Variants in FAT4 observed in about 807,000 individuals in gnomAD.
FAT4 encodes protocadherin Fat 4.
FAT4 carries 84 observed loss-of-function variants against 303.9 expected under a neutral mutation model. The ratio of observed to expected loss-of-function variants is 0.28; its 90% confidence interval spans 0.23 to 0.33. FAT4 has a LOEUF of 0.33. Among genes scored for constraint, FAT4 ranks in the 10% least tolerant of loss-of-function variants. The probability of loss-of-function intolerance (pLI) is 1.00; values close to 1 mark genes in which losing one functional copy is unlikely to be tolerated. For synonymous variants in FAT4, 2,307 were observed against 2,298.8 expected (o/e 1.00, Z -0.10); for missense variants, 6,005 against 6,146.8 (o/e 0.98, Z 0.77).
intron 2 of FAT4, among the ~76,000 whole-genome samples, chr4:125,347,286 A>G (rs981215025): frequency 6.6e-6 from 1 of 151,130 alleles, no homozygotes; most frequent in South Asian, 2.1e-4. Flanking sequence ...ATATACAGAA[A>G]CATACACATG....
At chr4:125,455,916 A>G (rs1726262850) in intron 10 of FAT4, among the ~76,000 whole-genome samples, 1 of 152,214 alleles carries the variant, frequency 6.6e-6, no homozygotes, top group South Asian at 2.1e-4. Context: ...CAAACTGGCT[A>G]AGAATACAGG....
intron 2 of FAT4, among the ~76,000 whole-genome samples, chr4:125,384,140 G>T (rs370586777): frequency 6.6e-6 from 1 of 152,108 alleles, no homozygotes; most frequent in Admixed American, 6.6e-5. Context: ...GAACATTTGT[G>T]TACAAGTTTT....
intron 9 of FAT4, 47 bp from the exon 10 acceptor site, chr4:125,448,414 T>C: frequency 6.6e-7 from 1 of 1,517,704 alleles, no homozygotes; most frequent in South Asian, 1.3e-5. Context: ...ACCAAATATT[T>C]TATTTAAATT....
rs773018653 is a variant in FAT4, at chr4:125,416,450, G to A, written c.6846G>A (p.Val2282=). ...TCTTGGTATGTACTGTTCTACAGGT[G>A]GTGGCAAGAGATGATGATCGAGGAT... The part of the protein sequence containing the change: ...LGTLPRTILQ[V]VARDDDRGSN... Residue 2282 remains valine (V), a splice_region_variant and synonymous_variant, in exon 7 of 18, where the codon GTG becomes GTA. Transcript: ENST00000394329. 2.5e-6 allele frequency: 4 copies of A among 1,612,864 alleles called. No homozygotes were observed. In the Admixed American group the frequency reaches 6.7e-5, roughly 27 times the overall value.
At position 125,452,201 on chromosome 4, in the gene FAT4, C is replaced by G. The variant is rs1389488510; in HGVS notation, c.11191C>G (p.His3731Asp). 9 of 1,614,216 alleles carry G rather than the reference C, an allele frequency of 5.6e-6. No homozygotes were observed. Among genetic ancestry groups the G allele is most frequent in the Non-Finnish European group, 7.6e-6 (9 of 1,180,032 alleles). Residue 3731 changes from histidine (H) to aspartate (D), a missense_variant, in exon 10 of 18, where the codon CAC becomes GAC. His to Asp is a moderately conservative substitution (Grantham distance 81). Transcript: ENST00000394329. ...VPTVKDFLTN[H>D]YLHFLRIASS... The stretch of plus-strand genomic sequence containing the variant: ...AACAGTAAAGGACTTCTTGACCAAC[C>G]ACTATCTTCATTTTTTACGCATTGC...
At chr4:125,443,492 C>G (rs553708971) in intron 8 of FAT4, among the ~76,000 whole-genome samples, 1 of 151,372 alleles carries the variant, frequency 6.6e-6, no homozygotes, top group South Asian at 2.1e-4. Flanking sequence ...AATTCAAACT[C>G]TAGATCTGCT....
chr4:125,348,629 A>C (rs558728609), intron 2 of FAT4, among the ~76,000 whole-genome samples: 1 of 151,728 alleles, frequency 6.6e-6, no homozygotes, highest in African/African-American at 2.4e-5. Context: ...ACAAATTAAT[A>C]ATCCTGGAAA....
intron 7 of FAT4, among the ~76,000 whole-genome samples, chr4:125,425,002 G>T (rs149389220): frequency 6.6e-6 from 1 of 152,070 alleles, no homozygotes; most frequent in South Asian, 2.1e-4. Flanking sequence ...GACATATTAC[G>T]TTTGAAATAT....
At chr4:125,360,734 A>C (rs1318095195) in intron 2 of FAT4, among the ~76,000 whole-genome samples, 2 of 151,996 alleles carry the variant, frequency 1.3e-5, no homozygotes, top group African/African-American at 4.8e-5. Context: ...AAAACTTAAC[A>C]TGTCTTTAGG....
intron 4 of FAT4, among the ~76,000 whole-genome samples, chr4:125,407,995 A>G (rs1405390268): frequency 6.6e-6 from 1 of 152,198 alleles, no homozygotes; most frequent in East Asian, 1.9e-4. Context: ...CTTTATGGAA[A>G]TCCCATCACA....
At chr4:125,423,518 G>A (rs182092623) in intron 7 of FAT4, among the ~76,000 whole-genome samples, 36 of 152,288 alleles carry the variant, frequency 2.4e-4, no homozygotes, top group African/African-American at 6.7e-4. Context: ...GGGAACCTCC[G>A]CCTGAATTTC....
rs767378137 is a variant in FAT4, at chr4:125,490,973, A to G, written c.14157A>G (p.Pro4719=). 8.1e-6 allele frequency: 13 copies of G among 1,614,218 alleles called. No homozygotes were observed. The South Asian group carries it at 1.3e-4, about 16-fold the overall frequency. ...CTTCTACGTTCTATAGAAACAGCCC[A>G]GCAAGGGAATTGCATCTTCCTATAA... ...SKSSTFYRNS[P]ARELHLPIRD... The change falls in exon 18 of 18, where the codon CCA becomes CCG. Residue 4719 remains proline (P), a synonymous_variant. Transcript: ENST00000394329.
At position 125,462,960 on chromosome 4, in the gene FAT4, G is replaced by T. The variant is rs1476056387; in HGVS notation, c.11801-603G>T. ...AAAGTCTTTATAAACTGAAAAATAT[G>T]CTGTTTAGGTATTATCGCTTCAGAC... On this transcript the variant is annotated intron_variant, in intron 10 of 17. Transcript: ENST00000394329. Among the ~76,000 whole-genome samples the T allele has an allele frequency of 2.0e-5, 3 of 152,034 alleles. No individual in the cohort carries two copies. In the East Asian group the frequency reaches 5.8e-4, roughly 29 times the overall value.
rs147362549 is a variant in FAT4 at position 125,470,508 on chromosome 4, T to G, written c.12213+1689T>G. ...AACCACCTTCATCAATGACCTTAGC[T>G]AGATCTTCTGGATAACTTGCTGCAG... is the stretch of plus-strand genomic sequence containing the variant. On this transcript the variant is annotated intron_variant, in intron 12 of 17. Coordinates refer to ENST00000394329, the MANE Select transcript of FAT4 (RefSeq NM_001291303.3). Among the ~76,000 whole-genome samples the G allele has an allele frequency of 2.0e-3, 312 of 152,344 alleles. 3 individuals carry two copies. The highest frequency in any genetic ancestry group is 0.01 in the Middle Eastern group (3 of 294).
In FAT4 at chr4:125,389,149, T is replaced by G. The variant is rs74896707; in HGVS notation, c.5176-9635T>G. On this transcript the variant is annotated intron_variant, in intron 2 of 17. Coordinates refer to ENST00000394329, the MANE Select transcript of FAT4 (RefSeq NM_001291303.3). ...TCTAAAATGTGTATGCTTCTTTCATTCCTAATATTCCAGAATACTTAGATA... is the reference window on the plus strand; with the variant it reads ...TCTAAAATGTGTATGCTTCTTTCATGCCTAATATTCCAGAATACTTAGATA... Among the ~76,000 whole-genome samples the G allele has an allele frequency of 5.5e-3, 845 of 152,294 alleles. 37 individuals carry two copies. The East Asian group carries it at 0.081, about 15-fold the overall frequency.
intron 2 of FAT4, among the ~76,000 whole-genome samples, chr4:125,337,829 T>C (rs544354282): frequency 6.6e-6 from 1 of 151,830 alleles, no homozygotes; most frequent in South Asian, 2.1e-4. Context: ...ATGGGAAGAG[T>C]AAGGACTTTT....
Position 125,320,065 on chromosome 4 carries a change from A to G in FAT4, c.3654A>G (p.Thr1218=). 6.2e-7 allele frequency: 1 copy of G among 1,613,966 alleles called. No individual in the cohort carries two copies. The highest frequency in any genetic ancestry group is 8.5e-7 in the Non-Finnish European group (1 of 1,179,970). The change falls in exon 2 of 18, where the codon ACA becomes ACG. Residue 1218 remains threonine, a synonymous_variant. Coordinates refer to ENST00000394329, the MANE Select transcript of FAT4 (RefSeq NM_001291303.3). ...TTTTAAAAGACTTTTACCAAGCTAC[A>G]ATATCAGAATCAGCAGCCAATCTGA... ...PKFLKDFYQA[T]ISESAANLTQ...
intron 2 of FAT4, among the ~76,000 whole-genome samples, chr4:125,330,158 T>C (rs938849642): frequency 6.6e-6 from 1 of 152,228 alleles, no homozygotes; most frequent in Non-Finnish European, 1.5e-5. Flanking sequence ...TGGCTCTTCC[T>C]TCTGCATAGA....
intron 16 of FAT4, 29 bp downstream of exon 16, chr4:125,481,767 T>A (rs753911392): frequency 6.3e-7 from 1 of 1,583,658 alleles, no homozygotes; most frequent in Non-Finnish European, 8.7e-7. Context: ...GTGACTTCAT[T>A]TGATTAGACC....
Sources: gnomAD v4.1 joint callset for allele counts (sites outside exome capture counted in the v4.1 genomes callset) on GRCh38, gnomAD v4.1.1 for gene constraint, MANE v1.5 for transcripts, NCBI Gene and HGNC (gene_info 2026-07-23, HGNC 2026-07-21) for gene names.